FOXP2: variants seen among roughly 807,000 people sequenced by gnomAD.
The protein encoded by FOXP2 is forkhead box protein P2.
Under a neutral mutation model 115.8 loss-of-function variants are expected in FOXP2, and 12 were observed. The observed-to-expected ratio is 0.10, with a 90% CI of 0.07 to 0.17. The LOEUF (loss-of-function observed/expected upper bound fraction) is 0.17. FOXP2 is among the 10% of genes least tolerant of loss of function. FOXP2 has a pLI of 1.00. For missense variants in FOXP2, 629 were observed against 843.5 expected (o/e 0.75, Z 3.15); for synonymous variants, 328 against 297.7 (o/e 1.10, Z -1.05).
chr7:114,465,005 C>T (rs1163102801), intron 2 of FOXP2, among the ~76,000 whole-genome samples: 1 of 152,190 alleles, frequency 6.6e-6, no homozygotes, highest in Non-Finnish European at 1.5e-5. Flanking sequence ...GAATCACTCC[C>T]TTTTCCATCT....
Position 114,652,296 on chromosome 7 carries a change from T to C in FOXP2, c.1182+6T>C. 3.7e-6 allele frequency: 6 copies of C among 1,612,034 alleles called. No homozygotes were observed. Among genetic ancestry groups the C allele is most frequent in the Non-Finnish European group, 5.1e-6 (6 of 1,178,648 alleles). ...TGCAACAGTTAGAAATACAGGTTTG[T>C]TAAATGCTCACTTAATGGACTCTTC... On this transcript the variant is annotated splice_donor_region_variant and intron_variant, in intron 9 of 16. Coordinates refer to ENST00000350908, the MANE Select transcript of FOXP2 (RefSeq NM_014491.4).
intron 2 of FOXP2, among the ~76,000 whole-genome samples, chr7:114,489,285 A>G: frequency 6.6e-6 from 1 of 152,134 alleles, no homozygotes; most frequent in Middle Eastern, 3.2e-3. Context: ...ACTAATTTAT[A>G]TAAGTTGGGT....
intron 3 of FOXP2, among the ~76,000 whole-genome samples, chr7:114,593,018 A>T (rs1447539830): frequency 2.0e-5 from 3 of 151,972 alleles, no homozygotes; most frequent in African/African-American, 7.2e-5. Context: ...CTTGGCTTCT[A>T]TATCAATAAA....
upstream of FOXP2, among the ~76,000 whole-genome samples, chr7:114,162,624 G>A (rs1055632175): frequency 4.0e-5 from 6 of 151,372 alleles, no homozygotes; most frequent in South Asian, 4.2e-4. Flanking sequence ...TCAAACTCAC[G>A]GATTTGCAAA....
In FOXP2 at chr7:114,659,352, A is replaced by G. The variant is rs760386543; in HGVS notation, c.1469-4A>G. On this transcript the variant is annotated splice_region_variant and splice_polypyrimidine_tract_variant and intron_variant, in intron 11 of 16. Transcript: ENST00000350908. ...GAATTAACACCTAGTTTTTATTTTTATAGAAATTGCCCCAAACTATGAATT... is the reference window on the plus strand; with the variant it reads ...GAATTAACACCTAGTTTTTATTTTTGTAGAAATTGCCCCAAACTATGAATT... 1.9e-6 allele frequency: 3 copies of G among 1,596,876 alleles called. No homozygotes were observed. The highest frequency in any genetic ancestry group is 1.7e-6 in the Non-Finnish European group (2 of 1,165,280).
intron 3 of FOXP2, among the ~76,000 whole-genome samples, chr7:114,548,129 T>A (rs959812002): frequency 6.6e-6 from 1 of 152,174 alleles, no homozygotes; most frequent in African/African-American, 2.4e-5. Context: ...ATAACTCTCC[T>A]TCCTCCAAGC....
chr7:114,600,650 C>T (rs774454309), intron 3 of FOXP2, among the ~76,000 whole-genome samples: 1 of 152,160 alleles, frequency 6.6e-6, no homozygotes, highest in Non-Finnish European at 1.5e-5. Context: ...GAGAGTTCCA[C>T]CTCCTTGTCA....
At chr7:114,346,843 A>G (rs1374619585) in intron 2 of FOXP2, among the ~76,000 whole-genome samples, 2 of 151,776 alleles carry the variant, frequency 1.3e-5, no homozygotes, top group African/African-American at 2.4e-5. Flanking sequence ...ACAAAGCTAC[A>G]ATGAGGAGGA....
chr7:114,170,736 TGA>T (rs1170194010), intron 1 of FOXP2, among the ~76,000 whole-genome samples: 3 of 152,122 alleles, frequency 2.0e-5, no homozygotes, highest in Admixed American at 6.5e-5. Context: ...TGGTAAAGGC[TGA>T]GAGAGGTGAG....
At chr7:114,409,366 G>C (rs184828706), upstream of FOXP2, among the ~76,000 whole-genome samples, 1 of 152,140 alleles carries the variant, frequency 6.6e-6, no homozygotes, top group East Asian at 1.9e-4. Context: ...ACAATGCTAA[G>C]AGCATATAAC....
chr7:114,209,167 G>A (rs936894805), intron 1 of FOXP2, among the ~76,000 whole-genome samples: 9 of 152,106 alleles, frequency 5.9e-5, no homozygotes, highest in Admixed American at 1.3e-4. Context: ...GAGATCTAAT[G>A]GCTTATAAGG....
intron 10 of FOXP2, chr7:114,654,247 A>G: frequency 1.1e-6 from 1 of 891,864 alleles, no homozygotes; most frequent in Admixed American, 3.0e-5. Context: ...CTATCAGTGC[A>G]CAAATCACTG....
At chr7:114,325,377 A>AT (rs929215730) in intron 2 of FOXP2, among the ~76,000 whole-genome samples, 1 of 151,882 alleles carries the variant, frequency 6.6e-6, no homozygotes, top group Admixed American at 6.6e-5. Flanking sequence ...AAGATTAAAC[A>AT]TTTTTTCTCT....
intron 3 of FOXP2, among the ~76,000 whole-genome samples, chr7:114,623,047 T>C (rs1055284819): frequency 5.9e-5 from 9 of 152,084 alleles, no homozygotes; most frequent in South Asian, 4.1e-4. Flanking sequence ...TCTAATTCTA[T>C]GTAATTATTG....
chr7:114,636,428 A>T (rs1805220663), intron 6 of FOXP2, among the ~76,000 whole-genome samples: 1 of 152,180 alleles, frequency 6.6e-6, no homozygotes, highest in Admixed American at 6.5e-5. Context: ...GAATATATAT[A>T]ATACAAATGT....
At chr7:114,164,838 A>G (rs1287485377) in intron 1 of FOXP2, among the ~76,000 whole-genome samples, 1 of 152,152 alleles carries the variant, frequency 6.6e-6, no homozygotes. Context: ...TTGGAAAATA[A>G]TGCCGTTCAC....
At chr7:114,482,832 G>A (rs951874047) in intron 2 of FOXP2, among the ~76,000 whole-genome samples, 1 of 151,622 alleles carries the variant, frequency 6.6e-6, no homozygotes, top group African/African-American at 2.4e-5. Flanking sequence ...AAACAATGGA[G>A]ACATGGTTTT....
At chr7:114,303,857 C>CTGA (rs1340762552) in intron 2 of FOXP2, among the ~76,000 whole-genome samples, 1 of 152,010 alleles carries the variant, frequency 6.6e-6, no homozygotes, top group Non-Finnish European at 1.5e-5. Context: ...ACTATATAAA[C>CTGA]TGATGCTCTA....
chr7:114,278,936 A>C (rs1167142137), intron 1 of FOXP2, among the ~76,000 whole-genome samples: 2 of 152,164 alleles, frequency 1.3e-5, no homozygotes, highest in African/African-American at 4.8e-5. Flanking sequence ...ACTGCCCAGC[A>C]CACTGCCCAA....
Sources: gnomAD v4.1 joint callset for allele counts (sites outside exome capture counted in the v4.1 genomes callset) on GRCh38, gnomAD v4.1.1 for gene constraint, MANE v1.5 for transcripts, NCBI Gene and HGNC (gene_info 2026-07-23, HGNC 2026-07-21) for gene names.